Variants in UBOX5 observed in about 807,000 individuals in gnomAD.
The protein encoded by UBOX5 is RING finger protein 37.
A neutral mutation model predicts 39.0 loss-of-function variants in UBOX5; 28 were observed. That is an observed-to-expected ratio of 0.72 (90% CI 0.53 to 0.98). The LOEUF (loss-of-function observed/expected upper bound fraction) is 0.98. Ranked by LOEUF, UBOX5 falls within the 50% of genes least tolerant of loss-of-function variation. UBOX5 has a pLI of 0.00. For missense variants in UBOX5, 585 were observed against 674.4 expected (o/e 0.87, Z 1.47); for synonymous variants, 283 against 275.5 (o/e 1.03, Z -0.27).
At chr20:3,123,242 C>G in intron 2 of UBOX5, 70 bp downstream of exon 2, 1 of 1,513,062 alleles carries the variant, frequency 6.6e-7, no homozygotes, top group Non-Finnish European at 9.1e-7. Context: ...TCCACACACA[C>G]AAGGCAGGAA....
intron 1 of UBOX5, chr20:3,146,803 A>G (rs1600407387): frequency 6.2e-7 from 1 of 1,614,130 alleles, no homozygotes; most frequent in African/African-American, 1.3e-5. Flanking sequence ...ATACTTTCTC[A>G]TGAAGAAACG....
rs2066605176 is a variant in UBOX5, at chr20:3,149,740, G to C, written c.-42+10026C>G. On this transcript the variant is annotated intron_variant, in intron 1 of 4. Coordinates refer to ENST00000217173, the MANE Select transcript of UBOX5 (RefSeq NM_014948.4). The surrounding 1 kb of genome is among the most constrained non-coding windows in gnomAD (Gnocchi z 4.1). ...GGTATAAAAGATAATTAGTTGGCTG[G>C]GTGTGGGTGGCTCATGCCTGTAATG... 6.6e-6 allele frequency among the ~76,000 whole-genome samples: 1 copy of C among 152,154 alleles called. No individual in the cohort carries two copies. The highest frequency in any genetic ancestry group is 1.9e-4 in the East Asian group (1 of 5,196).
intron 1 of UBOX5, among the ~76,000 whole-genome samples, chr20:3,141,459 G>A (rs1352873300): frequency 6.6e-6 from 1 of 151,624 alleles, no homozygotes; most frequent in Non-Finnish European, 1.5e-5. Flanking sequence ...ATACCAGCCT[G>A]ACCAACATGG....
chr20:3,131,086 A>G (rs527633406), intron 1 of UBOX5, among the ~76,000 whole-genome samples: 5 of 152,188 alleles, frequency 3.3e-5, no homozygotes, highest in African/African-American at 1.2e-4. Context: ...AAAATTATCC[A>G]GGCATGGTGG....
At chr20:3,120,423 T>C (rs970836485) in intron 3 of UBOX5, among the ~76,000 whole-genome samples, 6 of 142,412 alleles carry the variant, frequency 4.2e-5, no homozygotes, top group African/African-American at 1.6e-4. Flanking sequence ...CCAAGGTGGG[T>C]GGATCACAAG....
At position 3,123,423 on chromosome 20, in the gene UBOX5, A is replaced by T. The variant is rs960346401; in HGVS notation, c.-41-17T>A. On this transcript the variant is annotated splice_polypyrimidine_tract_variant and intron_variant, in intron 1 of 4. Transcript: ENST00000217173. ...AGAAGCAGCCTTAAATAAGAAATAAAACTATGTATTAGAAAATGTAAAATT... is the reference window on the plus strand; with the variant it reads ...AGAAGCAGCCTTAAATAAGAAATAATACTATGTATTAGAAAATGTAAAATT... 2.0e-6 allele frequency: 3 copies of T among 1,521,700 alleles called. No homozygotes were observed. Among genetic ancestry groups the T allele is most frequent in the Non-Finnish European group, 2.7e-6 (3 of 1,104,404 alleles). 94.3% of individuals were successfully genotyped at this position (1,521,700 alleles called of 1,614,324 possible). A position where few individuals can be genotyped will look rare whatever the true frequency, so the allele number is the denominator to read the frequency against.
Position 3,115,300 on chromosome 20 carries a change from G to A in UBOX5, c.1417+5C>T. 6.2e-7 allele frequency: 1 copy of A among 1,609,054 alleles called. No homozygotes were observed. ...GCTCCAAGGAGATGGCGGGGCCCATGTTACCCGAGCCGGTGCCAGGCCTCC... is the reference window on the plus strand; with the variant it reads ...GCTCCAAGGAGATGGCGGGGCCCATATTACCCGAGCCGGTGCCAGGCCTCC... On this transcript the variant is annotated splice_donor_5th_base_variant and intron_variant, in intron 4 of 4. Transcript: ENST00000217173.
chr20:3,151,271 T>C (rs1001033893), intron 1 of UBOX5, among the ~76,000 whole-genome samples: 27 of 152,212 alleles, frequency 1.8e-4, no homozygotes, highest in African/African-American at 6.0e-4. Flanking sequence ...GACTATGTCC[T>C]GGGGCCCAAA....
chr20:3,118,227 C>T (rs2066308587), intron 3 of UBOX5, among the ~76,000 whole-genome samples: 1 of 151,744 alleles, frequency 6.6e-6, no homozygotes, highest in South Asian at 2.1e-4. Context: ...AATCCCAGCA[C>T]TTTGGGAGGC....
chr20:3,137,414 G>A (rs1050610470), intron 1 of UBOX5, among the ~76,000 whole-genome samples: 1 of 152,072 alleles, frequency 6.6e-6, no homozygotes, highest in Non-Finnish European at 1.5e-5. Flanking sequence ...GATTACAGGT[G>A]CCCGCCACCA....
At chr20:3,150,184 C>T (rs1424642347) in intron 1 of UBOX5, among the ~76,000 whole-genome samples, 2 of 152,104 alleles carry the variant, frequency 1.3e-5, no homozygotes, top group Non-Finnish European at 2.9e-5. Context: ...ATTTGAGTCA[C>T]TATTAGAGAG....
intron 1 of UBOX5, among the ~76,000 whole-genome samples, chr20:3,143,097 CTTTTTTTT>C (rs35450698): frequency 2.9e-4 from 21 of 72,510 alleles, no homozygotes; most frequent in Non-Finnish European, 4.4e-4. Flanking sequence ...AATCATCTGT[CTTTTTTTT>C]TTTTTTTTTT....
intron 1 of UBOX5, among the ~76,000 whole-genome samples, chr20:3,144,805 A>G (rs879636001): frequency 3.3e-5 from 5 of 152,196 alleles, no homozygotes; most frequent in Admixed American, 6.5e-5. Context: ...AATATAACAC[A>G]TAGCATGTTT....
At chr20:3,156,614 C>G (rs1316343829) in intron 1 of UBOX5, 1 of 152,314 alleles carries the variant, frequency 6.6e-6, no homozygotes, top group African/African-American at 2.4e-5. Flanking sequence ...CTCCTGGACC[C>G]TGTCAGTTCC....
At chr20:3,113,690 C>T (rs755138717) in intron 4 of UBOX5, among the ~76,000 whole-genome samples, 6 of 152,040 alleles carry the variant, frequency 3.9e-5, no homozygotes, top group Non-Finnish European at 7.4e-5. Context: ...GATGGGGACA[C>T]TGAAGGAACT....
intron 1 of UBOX5, among the ~76,000 whole-genome samples, chr20:3,139,202 A>T (rs920301539): frequency 6.6e-6 from 1 of 152,072 alleles, no homozygotes; most frequent in Non-Finnish European, 1.5e-5. Flanking sequence ...AAAATGAAAG[A>T]CAGTTGTCCC....
chr20:3,121,640 G>C lies in UBOX5; in HGVS notation c.999C>G (p.Leu333=). ...GGTGGCAGCCAGGGATGGAGTGCTG[G>C]AGCAGGAAATGGTCAATCCGGGCCT... ...SLKARIDHFL[L]QHSIPGCHLL... is the part of the protein sequence containing the mutation. The change falls in exon 3 of 5, where the codon CTC becomes CTG. Residue 333 remains leucine, a synonymous_variant. Coordinates refer to ENST00000217173, the MANE Select transcript of UBOX5 (RefSeq NM_014948.4). 6.2e-7 allele frequency: 1 copy of C among 1,612,440 alleles called. No individual in the cohort carries two copies. The highest frequency in any genetic ancestry group is 8.5e-7 in the Non-Finnish European group (1 of 1,179,306).
At chr20:3,120,447 G>A (rs112893400) in intron 3 of UBOX5, among the ~76,000 whole-genome samples, 364 of 150,492 alleles carry the variant, frequency 2.4e-3, no homozygotes, top group Middle Eastern at 0.011. Flanking sequence ...AGGAGATTGA[G>A]ACCATCCTAG....
chr20:3,139,146 T>A (rs1054517710), intron 1 of UBOX5, among the ~76,000 whole-genome samples: 26 of 152,164 alleles, frequency 1.7e-4, no homozygotes, highest in African/African-American at 6.0e-4. Flanking sequence ...TACCTGTCCA[T>A]CCATGAAAAA....
Sources: allele counts gnomAD v4.1 joint callset (sites outside exome capture counted in the v4.1 genomes callset), GRCh38; gene constraint gnomAD v4.1.1; non-coding constraint Gnocchi (gnomAD v3.1); transcripts MANE v1.5; gene names NCBI Gene and HGNC (gene_info 2026-07-23, HGNC 2026-07-21).